THSD7A: variants seen among roughly 807,000 people sequenced by gnomAD.
THSD7A encodes thrombospondin type-1 domain-containing protein 7A.
THSD7A carries 96 observed loss-of-function variants against 231.3 expected under a neutral mutation model. That is an observed-to-expected ratio of 0.41 (90% CI 0.35 to 0.49). The LOEUF is 0.49. Ranked by LOEUF, THSD7A falls within the 20% of genes least tolerant of loss-of-function variation. The probability of loss-of-function intolerance (pLI) is 0.05; values close to 1 mark genes in which losing one functional copy is unlikely to be tolerated. For synonymous variants in THSD7A, 940 were observed against 743.3 expected (o/e 1.26, Z -4.30); for missense variants, 2,290 against 2,070.2 (o/e 1.11, Z -2.06).
chr7:11,591,900 G>T (rs1026400965), intron 3 of THSD7A, among the ~76,000 whole-genome samples: 1 of 152,158 alleles, frequency 6.6e-6, no homozygotes, highest in Non-Finnish European at 1.5e-5. Context: ...GAGAGGAATA[G>T]CCTGTCAATA....
In THSD7A at chr7:11,401,931, C is replaced by G; in HGVS notation, c.4275G>C (p.Leu1425=). 2 of 1,613,628 alleles carry G rather than the reference C, an allele frequency of 1.2e-6. No homozygotes were observed. The highest frequency in any genetic ancestry group is 1.7e-6 in the Non-Finnish European group (2 of 1,179,764). The part of the protein sequence containing the change: ...CYLKDWSSWS[L]CQLTCVNGED... The stretch of plus-strand genomic sequence containing the variant: ...CACCATTCACACAGGTCAGCTGACA[C>G]AGGCTCCAGGAAGACCAGTCCTTCA... The change falls in exon 23 of 28, where the codon CTG becomes CTC. Residue 1425 remains leucine (L), a synonymous_variant. Transcript: ENST00000423059.
intron 1 of THSD7A, among the ~76,000 whole-genome samples, chr7:11,648,709 T>C (rs1782381786): frequency 6.6e-6 from 1 of 151,460 alleles, no homozygotes; most frequent in Non-Finnish European, 1.5e-5. Context: ...AGTAATTCTC[T>C]TTTGCAAAAA....
At chr7:11,701,545 G>T (rs905930749) in intron 1 of THSD7A, among the ~76,000 whole-genome samples, 4 of 150,936 alleles carry the variant, frequency 2.7e-5, no homozygotes, top group African/African-American at 9.7e-5. Context: ...GCTACATTCT[G>T]CTTGGAAACT....
At chr7:11,780,995 C>T (rs1253740386) in intron 1 of THSD7A, among the ~76,000 whole-genome samples, 2 of 27,058 alleles carry the variant, frequency 7.4e-5, no homozygotes, top group African/African-American at 1.3e-4. Context: ...GAGACTCCGT[C>T]TCAAAAAAAA....
chr7:11,389,386 G>GTCTGTTT (rs1296302737), intron 23 of THSD7A, among the ~76,000 whole-genome samples: 1 of 104,600 alleles, frequency 9.6e-6, no homozygotes, highest in Non-Finnish European at 1.9e-5. Context: ...TTGGTTTAAA[G>GTCTGTTT]TCTGTTTTAT....
chr7:11,417,401 G>A (rs947020120), intron 17 of THSD7A, 49 bp downstream of exon 17: 7 of 1,461,788 alleles, frequency 4.8e-6, no homozygotes, highest in East Asian at 2.5e-5. Flanking sequence ...AGCTTCAGTG[G>A]CAAATAATTA....
At chr7:11,819,572 C>T (rs1460354202) in intron 1 of THSD7A, among the ~76,000 whole-genome samples, 1 of 152,162 alleles carries the variant, frequency 6.6e-6, no homozygotes, top group Non-Finnish European at 1.5e-5. Flanking sequence ...GAAAAGGCTA[C>T]ATACGGTATG....
chr7:11,805,097 T>C (rs900258059), intron 1 of THSD7A, among the ~76,000 whole-genome samples: 2 of 152,120 alleles, frequency 1.3e-5, no homozygotes, highest in African/African-American at 4.8e-5. Flanking sequence ...TATATCCACC[T>C]GCCTGAGCCT....
chr7:11,662,071 A>C (rs1430041230), intron 1 of THSD7A, among the ~76,000 whole-genome samples: 1 of 151,294 alleles, frequency 6.6e-6, no homozygotes, highest in African/African-American at 2.4e-5. Context: ...TACATAGAAG[A>C]GTTGGAAAAA....
chr7:11,707,623 A>G (rs1214423689), intron 1 of THSD7A, among the ~76,000 whole-genome samples: 1 of 150,888 alleles, frequency 6.6e-6, no homozygotes, highest in Non-Finnish European at 1.5e-5. Flanking sequence ...TCCTCCCCAG[A>G]CAGGAGAGAA....
chr7:11,472,600 G>A (rs1449936543), intron 8 of THSD7A, among the ~76,000 whole-genome samples: 4 of 152,148 alleles, frequency 2.6e-5, no homozygotes, highest in African/African-American at 7.2e-5. Context: ...CAAGGGTGAA[G>A]CAAATTTTTA....
rs1328011170 is a variant in THSD7A at position 11,764,557 on chromosome 7, G to C, written c.190+67200C>G. 2.3e-5 allele frequency among the ~76,000 whole-genome samples: 3 copies of C among 131,980 alleles called. No homozygotes were observed. The East Asian group carries it at 6.4e-4, about 28-fold the overall frequency. The allele number at this position is 131,980 out of a possible 152,430, so 86.6% of individuals were successfully genotyped here. Reference sequence around the variant, plus strand: ...TGCAGTCCGGCCTGGGTGAAAGAACGAGACTCCGTCTCAAAAAAAAAAAAA... The same window carrying C: ...TGCAGTCCGGCCTGGGTGAAAGAACCAGACTCCGTCTCAAAAAAAAAAAAA... On this transcript the variant is annotated intron_variant, in intron 1 of 27. Coordinates refer to ENST00000423059, the MANE Select transcript of THSD7A (RefSeq NM_015204.3).
chr7:11,588,229 C>T (rs999702708), intron 4 of THSD7A, among the ~76,000 whole-genome samples: 10 of 152,108 alleles, frequency 6.6e-5, no homozygotes, highest in Admixed American at 1.3e-4. Context: ...TTATAGACTT[C>T]GCATGTCACC....
At chr7:11,393,470 A>G (rs1046567285) in intron 23 of THSD7A, among the ~76,000 whole-genome samples, 1 of 152,186 alleles carries the variant, frequency 6.6e-6, no homozygotes, top group Admixed American at 6.5e-5. Flanking sequence ...AAGTATCACA[A>G]CTCTTCGCCA....
At chr7:11,674,824 C>G (rs894557525) in intron 1 of THSD7A, among the ~76,000 whole-genome samples, 15 of 152,022 alleles carry the variant, frequency 9.9e-5, no homozygotes, top group Non-Finnish European at 1.8e-4. Context: ...ATTGAAATGT[C>G]TGAAATAACA....
chr7:11,714,052 T>C (rs1317691230), intron 1 of THSD7A, among the ~76,000 whole-genome samples: 1 of 151,244 alleles, frequency 6.6e-6, no homozygotes, highest in Non-Finnish European at 1.5e-5. Flanking sequence ...TGTCTGTACA[T>C]TGGGTCACAA....
chr7:11,570,303 T>C (rs1322638314), intron 4 of THSD7A, among the ~76,000 whole-genome samples: 2 of 152,116 alleles, frequency 1.3e-5, no homozygotes, highest in African/African-American at 4.8e-5. Flanking sequence ...AAAGAGTTGA[T>C]CTCATGGAGG....
intron 6 of THSD7A, among the ~76,000 whole-genome samples, chr7:11,483,124 A>C: frequency 6.6e-6 from 1 of 152,144 alleles, no homozygotes; most frequent in East Asian, 1.9e-4. Context: ...AGAAAGGGTG[A>C]CTCACCTTGC....
chr7:11,652,754 G>T (rs1378444105), intron 1 of THSD7A, among the ~76,000 whole-genome samples: 3 of 151,912 alleles, frequency 2.0e-5, no homozygotes, highest in African/African-American at 4.8e-5. Context: ...CAAACTCCAT[G>T]TGTCTAAAGA....
Sources: allele counts gnomAD v4.1 joint callset (sites outside exome capture counted in the v4.1 genomes callset), GRCh38; gene constraint gnomAD v4.1.1; transcripts MANE v1.5; gene names NCBI Gene and HGNC (gene_info 2026-07-23, HGNC 2026-07-21).